The following PDE11A variants were observed in gnomAD, a reference collection of about 807,000 sequenced individuals.
PDE11A encodes the protein phosphodiesterase 11A, also known as dual 3',5'-cyclic-AMP and -GMP phosphodiesterase 11A.
PDE11A carries 100 observed loss-of-function variants against 100.5 expected under a neutral mutation model. That is an observed-to-expected ratio of 1.00 (90% CI 0.85 to 1.18). The LOEUF is 1.18. Among genes scored for constraint, PDE11A ranks in the 50% most tolerant of loss-of-function variants. The pLI is 0.00. For missense variants in PDE11A, 1,141 were observed against 1,152.6 expected (o/e 0.99, Z 0.15); for synonymous variants, 381 against 420.8 (o/e 0.91, Z 1.16).
intron 19 of PDE11A, among the ~76,000 whole-genome samples, chr2:177,643,089 C>G (rs1375894390): frequency 6.6e-6 from 1 of 152,168 alleles, no homozygotes; most frequent in South Asian, 2.1e-4. Flanking sequence ...TTGGGTATGT[C>G]TTTATCAGCA....
chr2:177,816,760 C>T (rs1373365086), intron 9 of PDE11A, 69 bp downstream of exon 9: 1 of 873,570 alleles, frequency 1.1e-6, no homozygotes, highest in Non-Finnish European at 2.0e-6. Flanking sequence ...GCCCCATAAC[C>T]AGGGAAATTT....
At chr2:178,106,695 C>T (rs1364438075) in intron 1 of PDE11A, among the ~76,000 whole-genome samples, 1 of 152,046 alleles carries the variant, frequency 6.6e-6, no homozygotes, top group Non-Finnish European at 1.5e-5. Context: ...CATGGTAGCT[C>T]ACACCTGTAA....
intron 5 of PDE11A, among the ~76,000 whole-genome samples, chr2:177,868,203 C>T (rs2105682527): frequency 6.6e-6 from 1 of 152,224 alleles, no homozygotes; most frequent in Non-Finnish European, 1.5e-5. Context: ...AAATGCAATG[C>T]ACAAAACTAA....
At chr2:177,896,425 C>G (rs2084613037) in intron 4 of PDE11A, among the ~76,000 whole-genome samples, 1 of 152,240 alleles carries the variant, frequency 6.6e-6, no homozygotes, top group Non-Finnish European at 1.5e-5. Flanking sequence ...TACAAGTGAG[C>G]TAGCAAACAG....
At position 177,875,873 on chromosome 2, in the gene PDE11A, A is replaced by G. The variant is rs748169188; in HGVS notation, c.1353T>C (p.Ala451=). ...SFELMSPKCS[A]DAENSFKESM... Reference sequence around the variant, plus strand: ...ACAAGCCCTACCTGTTCTCAGCATCAGCACTGCACTTTGGGGACATCAATT... The same window carrying G: ...ACAAGCCCTACCTGTTCTCAGCATCGGCACTGCACTTTGGGGACATCAATT... The change falls in exon 5 of 20, where the codon GCT becomes GCC. Residue 451 remains alanine, a synonymous_variant. Coordinates refer to ENST00000286063, the MANE Select transcript of PDE11A (RefSeq NM_016953.4). The G allele has an allele frequency of 8.1e-6, 13 of 1,611,168 alleles. No homozygotes were observed. The highest frequency in any genetic ancestry group is 3.3e-5 in the Admixed American group (2 of 60,022).
chr2:177,634,334 G>C (rs1198327174), intron 19 of PDE11A, among the ~76,000 whole-genome samples: 1 of 151,368 alleles, frequency 6.6e-6, no homozygotes, highest in Non-Finnish European at 1.5e-5. Context: ...GCCAGGTGCT[G>C]GTTCTAGGCA....
At chr2:177,877,339 AT>A (rs2105698203) in intron 4 of PDE11A, among the ~76,000 whole-genome samples, 1 of 123,232 alleles carries the variant, frequency 8.1e-6, no homozygotes, top group South Asian at 2.5e-4. Flanking sequence ...TAATTTTTGC[AT>A]TTTTAGTAGA....
intron 5 of PDE11A, among the ~76,000 whole-genome samples, chr2:177,875,207 G>C (rs2084211017): frequency 6.6e-6 from 1 of 151,842 alleles, no homozygotes; most frequent in African/African-American, 2.4e-5. Context: ...CTGGGTGACA[G>C]AGCGAGACTC....
rs397718160 is a variant in PDE11A, at chr2:177,624,273, T to TTC, written c.*5133_*5134insGA. On this transcript the variant is annotated 3_prime_UTR_variant, in exon 20 of 20. Transcript: ENST00000286063. ...TGTGTTTTGGTGGTTTTTTTTTTTT[T>TTC]CAGCCAAGGCATTTTTCTTTATATT... 3 of 151,416 alleles carry TTC rather than the reference T, an allele frequency of 2.0e-5. No individual in the cohort carries two copies. The highest frequency in any genetic ancestry group is 4.8e-5 in the African/African-American group (2 of 41,432). The allele number at this position is 151,416 out of a possible 1,614,324, so 9.4% of individuals were successfully genotyped here. A position where few individuals can be genotyped will look rare whatever the true frequency, so the allele number is the denominator to read the frequency against.
chr2:177,798,041 C>A (rs1204516037), intron 9 of PDE11A, among the ~76,000 whole-genome samples: 1 of 152,196 alleles, frequency 6.6e-6, no homozygotes, highest in African/African-American at 2.4e-5. Context: ...CCCTGCCTCT[C>A]CCCTGCTGTG....
At chr2:177,715,269 T>C (rs1001069062) in intron 12 of PDE11A, among the ~76,000 whole-genome samples, 3 of 152,208 alleles carry the variant, frequency 2.0e-5, no homozygotes, top group African/African-American at 7.2e-5. Context: ...GAGAAGAACA[T>C]ACCATTCTCA....
chr2:177,681,172 G>T (rs1457162697), intron 15 of PDE11A, among the ~76,000 whole-genome samples: 1 of 152,184 alleles, frequency 6.6e-6, no homozygotes, highest in East Asian at 1.9e-4. Context: ...ATGTGGTGCG[G>T]CATTTAGGAT....
At chr2:177,749,473 T>C (rs1237585641) in intron 10 of PDE11A, among the ~76,000 whole-genome samples, 2 of 152,168 alleles carry the variant, frequency 1.3e-5, no homozygotes, top group African/African-American at 4.8e-5. Flanking sequence ...GATTTATATT[T>C]CAGTCAGGTT....
chr2:178,090,494 T>A (rs997420622), intron 2 of PDE11A, among the ~76,000 whole-genome samples: 3 of 150,468 alleles, frequency 2.0e-5, no homozygotes, highest in African/African-American at 7.4e-5. Flanking sequence ...TCATCTCAAC[T>A]CTCCTCATAC....
chr2:177,889,700 T>C (rs2084499379), intron 4 of PDE11A, among the ~76,000 whole-genome samples: 2 of 152,044 alleles, frequency 1.3e-5, no homozygotes, highest in African/African-American at 4.8e-5. Context: ...TCTGTGCAGC[T>C]ACATATTTTT....
intron 2 of PDE11A, among the ~76,000 whole-genome samples, chr2:178,090,691 GA>G (rs2087412181): frequency 6.6e-6 from 1 of 152,198 alleles, no homozygotes; most frequent in South Asian, 2.1e-4. Flanking sequence ...TGCCAATTAG[GA>G]TAGGAGGTAG....
chr2:178,009,737 T>C (rs1435994686), intron 2 of PDE11A, among the ~76,000 whole-genome samples: 1 of 152,258 alleles, frequency 6.6e-6, no homozygotes, highest in East Asian at 1.9e-4. Flanking sequence ...ATAGTGGTCC[T>C]ATGCACAATT....
At chr2:177,893,608 G>A (rs1277448207) in intron 4 of PDE11A, among the ~76,000 whole-genome samples, 1 of 152,050 alleles carries the variant, frequency 6.6e-6, no homozygotes, top group Non-Finnish European at 1.5e-5. Context: ...TTTTTTTCCT[G>A]AAATTTTTGT....
At chr2:177,789,669 G>C (rs202162874) in intron 9 of PDE11A, among the ~76,000 whole-genome samples, 50,237 of 151,452 alleles carry the variant, frequency 0.33, 8,726 homozygotes, top group African/African-American at 0.39. Context: ...TCTTCTTAAG[G>C]TGATAAGCAA....
Sources: gnomAD v4.1 joint callset for allele counts (sites outside exome capture counted in the v4.1 genomes callset) on GRCh38, gnomAD v4.1.1 for gene constraint, MANE v1.5 for transcripts, NCBI Gene and HGNC (gene_info 2026-07-23, HGNC 2026-07-21) for gene names.